Variants in ADGRL3 observed in about 807,000 individuals in gnomAD.
ADGRL3 encodes the protein adhesion G protein-coupled receptor L3, also known as calcium-independent alpha-latrotoxin receptor 3.
Under a neutral mutation model 153.5 loss-of-function variants are expected in ADGRL3, and 62 were observed. The ratio of observed to expected loss-of-function variants is 0.40; its 90% CI spans 0.33 to 0.50. The LOEUF (loss-of-function observed/expected upper bound fraction) is 0.50, where lower values mean the gene tolerates loss of function less well. ADGRL3 is among the 20% of genes least tolerant of loss of function. The pLI is 0.47. For synonymous variants in ADGRL3, 710 were observed against 672.5 expected (o/e 1.06, Z -0.86); for missense variants, 1,641 against 1,859.4 (o/e 0.88, Z 2.16).
chr4:61,679,362 G>T lies in ADGRL3; in HGVS notation c.583+2427G>T, dbSNP rs191797647. Among the ~76,000 whole-genome samples the T allele has an allele frequency of 8.7e-4, 132 of 152,084 alleles. 2 individuals carry two copies. Among genetic ancestry groups the T allele is most frequent in the African/African-American group, 3.1e-3 (129 of 41,514 alleles). ...ACATTTCAACATGAGATTTGGAGGG[G>T]ACACACATGCAAACTATATCATTGG... On this transcript the variant is annotated intron_variant, in intron 6 of 26. Coordinates refer to ENST00000683033, the MANE Select transcript of ADGRL3 (RefSeq NM_001387552.1).
intron 8 of ADGRL3, among the ~76,000 whole-genome samples, chr4:61,741,215 AC>A (rs2096577098): frequency 6.6e-6 from 1 of 152,108 alleles, no homozygotes; most frequent in African/African-American, 2.4e-5. Flanking sequence ...AATATGGTGC[AC>A]CCTCGTCAGA....
In ADGRL3 at chr4:61,806,134, A is replaced by G. The variant is rs971604536; in HGVS notation, c.1400-7675A>G. 3.2e-4 allele frequency among the ~76,000 whole-genome samples: 49 copies of G among 152,282 alleles called. 1 individual carries two copies. The highest frequency in any genetic ancestry group is 1.1e-3 in the African/African-American group (45 of 41,578). ...AGATTCTGGTGGGTCCTAGGATGAC[A>G]GAGTACACATATGAGCTGCAGGTGG... On this transcript the variant is annotated intron_variant, in intron 8 of 26. Coordinates refer to ENST00000683033, the MANE Select transcript of ADGRL3 (RefSeq NM_001387552.1).
chr4:62,043,733 GA>G (rs541705415), intron 24 of ADGRL3, among the ~76,000 whole-genome samples: 2 of 151,628 alleles, frequency 1.3e-5, no homozygotes, highest in Non-Finnish European at 2.9e-5. Flanking sequence ...GAATAAAAAA[GA>G]AAAAAATCCC....
At chr4:61,949,234 C>T (rs1560417820) in intron 17 of ADGRL3, among the ~76,000 whole-genome samples, 1 of 152,018 alleles carries the variant, frequency 6.6e-6, no homozygotes, top group Non-Finnish European at 1.5e-5. Context: ...ACTCAGATCC[C>T]GTGTTGGGTT....
intron 2 of ADGRL3, among the ~76,000 whole-genome samples, chr4:61,410,983 A>T (rs2097080024): frequency 6.6e-6 from 1 of 152,176 alleles, no homozygotes; most frequent in Non-Finnish European, 1.5e-5. Context: ...CTGTCATCCC[A>T]TTGGGCTTTA....
chr4:61,335,377 C>T (rs1424028723), intron 1 of ADGRL3, among the ~76,000 whole-genome samples: 1 of 152,144 alleles, frequency 6.6e-6, no homozygotes, highest in African/African-American at 2.4e-5. Flanking sequence ...TGAGAAATCA[C>T]AGCATGCCTC....
chr4:61,623,175 A>G (rs1205308586), intron 5 of ADGRL3, among the ~76,000 whole-genome samples: 1 of 152,080 alleles, frequency 6.6e-6, no homozygotes, highest in East Asian at 1.9e-4. Context: ...TTCAAACCTT[A>G]TTCTGTTCTT....
At chr4:61,792,689 C>T (rs904568194) in intron 8 of ADGRL3, among the ~76,000 whole-genome samples, 4 of 151,972 alleles carry the variant, frequency 2.6e-5, no homozygotes, top group African/African-American at 9.6e-5. Flanking sequence ...GGAGTTTCAC[C>T]ATGTTGGTCA....
At chr4:61,475,267 C>T (rs1308947277) in intron 2 of ADGRL3, among the ~76,000 whole-genome samples, 2 of 152,198 alleles carry the variant, frequency 1.3e-5, no homozygotes, top group South Asian at 2.1e-4. Context: ...ACATTTTAAG[C>T]ATATTTTGTT....
intron 5 of ADGRL3, among the ~76,000 whole-genome samples, chr4:61,645,019 GATCCTTTACCATTA>G (rs1486961486): frequency 6.6e-6 from 1 of 152,058 alleles, no homozygotes; most frequent in African/African-American, 2.4e-5. Context: ...TTGTTGAATT[GATCCTTTACCATTA>G]TGTAATGGCC....
At chr4:61,569,951 T>A (rs1367781958) in intron 4 of ADGRL3, among the ~76,000 whole-genome samples, 1 of 152,182 alleles carries the variant, frequency 6.6e-6, no homozygotes, top group Non-Finnish European at 1.5e-5. Flanking sequence ...TTACATTGTA[T>A]GAATACCCTA....
At chr4:61,627,955 TAGGC>T (rs1050122056) in intron 5 of ADGRL3, among the ~76,000 whole-genome samples, 1 of 152,100 alleles carries the variant, frequency 6.6e-6, no homozygotes, top group African/African-American at 2.4e-5. Flanking sequence ...GCTCTACAGA[TAGGC>T]AGGGAGCAAA....
At chr4:61,566,427 A>G (rs2098816502) in intron 4 of ADGRL3, among the ~76,000 whole-genome samples, 2 of 152,308 alleles carry the variant, frequency 1.3e-5, no homozygotes, top group African/African-American at 2.4e-5. Flanking sequence ...GGACTTCAAT[A>G]TAGAAACTTG....
rs770126763 is a variant in ADGRL3, at chr4:61,934,969, C to T, written c.2242C>T (p.Leu748=). ...LHTVEESAFV[L]ADNLLKTDIV... ...TACTGTGGAGGAAAGTGCTTTTGTGCTGGCTGATAACCTTTTGAAGACTGA... is the reference window on the plus strand; with the variant it reads ...TACTGTGGAGGAAAGTGCTTTTGTGTTGGCTGATAACCTTTTGAAGACTGA... The change falls in exon 14 of 27, where the codon CTG becomes TTG. Residue 748 remains leucine (L), a synonymous_variant. Transcript: ENST00000683033. The T allele has an allele frequency of 6.2e-7, 1 of 1,613,810 alleles. No individual in the cohort carries two copies. The highest frequency in any genetic ancestry group is 1.7e-5 in the Admixed American group (1 of 59,984).
At chr4:61,614,031 AT>A (rs1010001685) in intron 5 of ADGRL3, among the ~76,000 whole-genome samples, 40 of 152,044 alleles carry the variant, frequency 2.6e-4, no homozygotes, top group East Asian at 5.8e-4. Flanking sequence ...CTCCACGTTT[AT>A]TTTTTTTAAT....
chr4:61,662,249 G>A (rs1041388289), intron 5 of ADGRL3, among the ~76,000 whole-genome samples: 2 of 152,224 alleles, frequency 1.3e-5, no homozygotes, highest in African/African-American at 4.8e-5. Context: ...CGCAGGAGGA[G>A]CCCTACCCTC....
chr4:61,423,741 G>A (rs2097240485), intron 2 of ADGRL3, among the ~76,000 whole-genome samples: 1 of 152,130 alleles, frequency 6.6e-6, no homozygotes, highest in African/African-American at 2.4e-5. Flanking sequence ...GAAAGTCCTG[G>A]TTGTGTTGTT....
intron 1 of ADGRL3, among the ~76,000 whole-genome samples, chr4:61,276,964 C>T (rs1271320088): frequency 1.3e-5 from 2 of 152,048 alleles, no homozygotes; most frequent in Non-Finnish European, 2.9e-5. Flanking sequence ...ACTTCAAGTC[C>T]TGTACAAGCT....
At chr4:61,880,700 T>C (rs567494482) in intron 9 of ADGRL3, among the ~76,000 whole-genome samples, 1 of 152,318 alleles carries the variant, frequency 6.6e-6, no homozygotes, top group South Asian at 2.1e-4. Context: ...ATCTATCAAG[T>C]ATATACTCTG....
Sources: allele counts gnomAD v4.1 joint callset (sites outside exome capture counted in the v4.1 genomes callset), GRCh38; gene constraint gnomAD v4.1.1; transcripts MANE v1.5; gene names NCBI Gene and HGNC (gene_info 2026-07-23, HGNC 2026-07-21).